The following MAML2 variants were observed in gnomAD, a reference collection of about 807,000 sequenced individuals.
The protein encoded by MAML2 is mastermind like transcriptional coactivator 2.
A neutral mutation model predicts 96.1 loss-of-function variants in MAML2; 22 were observed. The ratio of observed to expected loss-of-function variants is 0.23; its 90% CI spans 0.16 to 0.33. The LOEUF (loss-of-function observed/expected upper bound fraction) is 0.33. Among genes scored for constraint, MAML2 ranks in the 10% least tolerant of loss-of-function variants. MAML2 has a pLI of 1.00. For missense variants in MAML2, 1,367 were observed against 1,392.4 expected (o/e 0.98, Z 0.29); for synonymous variants, 561 against 521.3 (o/e 1.08, Z -1.04).
intron 1 of MAML2, among the ~76,000 whole-genome samples, chr11:96,233,929 G>A (rs1168691548): frequency 6.6e-6 from 1 of 152,164 alleles, no homozygotes; most frequent in Admixed American, 6.5e-5. Flanking sequence ...GTGGTGGCCA[G>A]GTGGGCCTCC....
intron 1 of MAML2, among the ~76,000 whole-genome samples, chr11:96,240,814 C>T (rs949036477): frequency 6.6e-5 from 10 of 151,998 alleles, no homozygotes; most frequent in African/African-American, 7.2e-5. Flanking sequence ...CATTGAAGTA[C>T]GGAATAACTA....
At chr11:96,058,660 C>G (rs554621353) in intron 2 of MAML2, among the ~76,000 whole-genome samples, 6 of 152,166 alleles carry the variant, frequency 3.9e-5, no homozygotes, top group Non-Finnish European at 4.4e-5. Flanking sequence ...CTTTGAGGTA[C>G]CTTGTTTAAA....
intron 2 of MAML2, among the ~76,000 whole-genome samples, chr11:96,078,742 G>GAAT (rs1201126508): frequency 2.6e-5 from 4 of 152,212 alleles, no homozygotes; most frequent in African/African-American, 7.2e-5. Context: ...AGCATAAATG[G>GAAT]AATACATCAA....
At chr11:96,022,812 G>A (rs1858456063) in intron 2 of MAML2, among the ~76,000 whole-genome samples, 1 of 151,842 alleles carries the variant, frequency 6.6e-6, no homozygotes, top group Non-Finnish European at 1.5e-5. Context: ...GAAGCACTTG[G>A]CCCATTATAA....
At chr11:96,171,042 G>C (rs1435508106) in intron 1 of MAML2, among the ~76,000 whole-genome samples, 1 of 151,582 alleles carries the variant, frequency 6.6e-6, no homozygotes, top group East Asian at 1.9e-4. Flanking sequence ...TTAAACTACT[G>C]GTTGAGGAGG....
chr11:96,100,093 A>T (rs1334318900), intron 1 of MAML2, among the ~76,000 whole-genome samples: 1 of 152,162 alleles, frequency 6.6e-6, no homozygotes, highest in Non-Finnish European at 1.5e-5. Context: ...GCCCCTCCTG[A>T]TGGGACTGCA....
At chr11:96,104,210 C>T (rs952450786) in intron 1 of MAML2, among the ~76,000 whole-genome samples, 1 of 152,130 alleles carries the variant, frequency 6.6e-6, no homozygotes, top group Non-Finnish European at 1.5e-5. Context: ...GAAAGGGAAG[C>T]CTGAGTCACA....
intron 1 of MAML2, among the ~76,000 whole-genome samples, chr11:96,298,157 C>G (rs923136414): frequency 6.6e-6 from 1 of 152,196 alleles, no homozygotes; most frequent in South Asian, 2.1e-4. Context: ...ACATTGAAAG[C>G]AGCATAGCTT....
chr11:96,031,903 G>A (rs1384835508), intron 2 of MAML2, among the ~76,000 whole-genome samples: 2 of 151,888 alleles, frequency 1.3e-5, no homozygotes, highest in African/African-American at 2.4e-5. Context: ...GGAGAATGGC[G>A]TGAACCCGGG....
intron 1 of MAML2, among the ~76,000 whole-genome samples, chr11:96,213,552 T>C (rs1242222462): frequency 6.6e-6 from 1 of 152,192 alleles, no homozygotes. Flanking sequence ...TATCTGAGAT[T>C]CTGCCTTAAG....
intron 1 of MAML2, among the ~76,000 whole-genome samples, chr11:96,237,253 G>A (rs549897621): frequency 6.6e-6 from 1 of 152,222 alleles, no homozygotes; most frequent in Non-Finnish European, 1.5e-5. Context: ...TCCCATCTCT[G>A]TGATCACACT....
chr11:95,981,742 G>A (rs1255669113), intron 4 of MAML2, among the ~76,000 whole-genome samples: 2 of 152,128 alleles, frequency 1.3e-5, no homozygotes, highest in Admixed American at 6.6e-5. Flanking sequence ...CAATAACTGA[G>A]ATGACATACA....
Position 96,022,915 on chromosome 11 carries a change from T to C in MAML2, c.2140-31192A>G, listed in dbSNP as rs114568506. Among the ~76,000 whole-genome samples, 585 of 152,246 alleles carry C rather than the reference T, an allele frequency of 3.8e-3. 7 individuals are homozygous for C. The highest frequency in any genetic ancestry group is 0.014 in the African/African-American group (568 of 41,540). ...AGGCCAGTAGACATGACGCTTAACCTCAAAACCAGTGATGATGGTATCTTT... is the reference window on the plus strand; with the variant it reads ...AGGCCAGTAGACATGACGCTTAACCCCAAAACCAGTGATGATGGTATCTTT... On this transcript the variant is annotated intron_variant, in intron 2 of 4. Coordinates refer to ENST00000524717, the MANE Select transcript of MAML2 (RefSeq NM_032427.4).
At chr11:96,178,267 C>T (rs951463762) in intron 1 of MAML2, among the ~76,000 whole-genome samples, 1 of 151,846 alleles carries the variant, frequency 6.6e-6, no homozygotes, top group Non-Finnish European at 1.5e-5. Context: ...TGTGATAAAC[C>T]GAGGTCGGCT....
At position 95,979,171 on chromosome 11, in the gene MAML2, G is replaced by A. The variant is rs370201127; in HGVS notation, c.3248C>T (p.Thr1083Met). ...GTTGGGTGAAGGAAAATTGCTGGGC[G>A]TCAGGGATGGTGGCTGGTTGATGCC... ...RTGINQPPSLTPSNFPSPNQS... is the reference protein window; with the variant it reads ...RTGINQPPSLMPSNFPSPNQS... The change falls in exon 5 of 5, where the codon ACG becomes ATG. Residue 1083 changes from threonine (T) to methionine (M), a missense_variant. By Grantham distance (81) the Thr-to-Met change is moderately conservative (BLOSUM62 -1). Coordinates refer to ENST00000524717, the MANE Select transcript of MAML2 (RefSeq NM_032427.4). 61 of 1,613,854 alleles carry A rather than the reference G, an allele frequency of 3.8e-5. No individual in the cohort carries two copies. The highest frequency in any genetic ancestry group is 8.9e-5 in the East Asian group (4 of 44,886).
chr11:96,089,538 G>A (rs564381178), intron 2 of MAML2, among the ~76,000 whole-genome samples: 1 of 152,298 alleles, frequency 6.6e-6, no homozygotes, highest in East Asian at 1.9e-4. Context: ...TGTGCTATAA[G>A]CCCTAGAGAC....
At chr11:96,141,987 T>G (rs1180089124) in intron 1 of MAML2, among the ~76,000 whole-genome samples, 1 of 152,208 alleles carries the variant, frequency 6.6e-6, no homozygotes, top group East Asian at 1.9e-4. Context: ...AGATATTCAT[T>G]TAATTAACAT....
chr11:96,193,041 A>C (rs997456790), intron 1 of MAML2, among the ~76,000 whole-genome samples: 5 of 152,206 alleles, frequency 3.3e-5, no homozygotes, highest in Non-Finnish European at 5.9e-5. Context: ...CATTTTATTC[A>C]TTCTCTGGCT....
intron 1 of MAML2, among the ~76,000 whole-genome samples, chr11:96,234,290 T>A (rs1862337004): frequency 6.6e-6 from 1 of 152,142 alleles, no homozygotes; most frequent in Non-Finnish European, 1.5e-5. Context: ...GAGACCAGCC[T>A]GACCAACGTG....
Sources: gnomAD v4.1 joint callset for allele counts (sites outside exome capture counted in the v4.1 genomes callset) on GRCh38, gnomAD v4.1.1 for gene constraint, MANE v1.5 for transcripts, NCBI Gene and HGNC (gene_info 2026-07-23, HGNC 2026-07-21) for gene names.